SEL1L3: variants seen among roughly 807,000 people sequenced by gnomAD.
SEL1L3 encodes the protein SEL1L family member 3.
SEL1L3 carries 76 observed loss-of-function variants against 142.8 expected under a neutral mutation model. That is an observed-to-expected ratio of 0.53 (90% CI 0.44 to 0.64). The LOEUF (loss-of-function observed/expected upper bound fraction) is 0.64, where lower values mean the gene tolerates loss of function less well. Among genes scored for constraint, SEL1L3 ranks in the 30% least tolerant of loss-of-function variants. The probability of loss-of-function intolerance (pLI) is 0.00; values close to 1 mark genes in which losing one functional copy is unlikely to be tolerated. For synonymous variants in SEL1L3, 504 were observed against 519.6 expected (o/e 0.97, Z 0.41); for missense variants, 1,262 against 1,381.7 (o/e 0.91, Z 1.37).
intron 11 of SEL1L3, 126 bp from the exon 12 acceptor site, chr4:25,790,700 GA>G (rs1712263252): frequency 8.9e-6 from 1 of 112,290 alleles, no homozygotes. Context: ...GGGAGGGAGG[GA>G]AGGAAGAAAA....
the SEL1L3 span, among the ~76,000 whole-genome samples, chr4:25,735,498 T>C: frequency 6.6e-6 from 1 of 152,138 alleles, no homozygotes; most frequent in South Asian, 2.1e-4. Flanking sequence ...TTGATTATCT[T>C]TATTTTTTTC....
intron 6 of SEL1L3, among the ~76,000 whole-genome samples, chr4:25,828,821 G>A (rs1008241967): frequency 6.6e-6 from 1 of 152,166 alleles, no homozygotes; most frequent in Non-Finnish European, 1.5e-5. Context: ...CGTATCCCCA[G>A]CCTGTTTGGA....
At chr4:25,848,941 C>A (rs1716713921) in intron 1 of SEL1L3, among the ~76,000 whole-genome samples, 1 of 152,168 alleles carries the variant, frequency 6.6e-6, no homozygotes, top group Admixed American at 6.5e-5. Flanking sequence ...GAGTTCAAGA[C>A]CAGCCTGGTC....
chr4:25,846,272 GC>G (rs1716504009), intron 2 of SEL1L3, among the ~76,000 whole-genome samples: 1 of 152,194 alleles, frequency 6.6e-6, no homozygotes. Flanking sequence ...GGGCCTTGGA[GC>G]CTCCGGGATT....
chr4:25,845,899 G>A (rs968211315), intron 2 of SEL1L3, among the ~76,000 whole-genome samples: 33 of 152,162 alleles, frequency 2.2e-4, no homozygotes, highest in African/African-American at 7.5e-4. Context: ...TCTGTCCCTG[G>A]CCCACAGGTT....
At chr4:25,728,028 T>C in the SEL1L3 span, among the ~76,000 whole-genome samples, 42 of 152,254 alleles carry the variant, frequency 2.8e-4, no homozygotes, top group African/African-American at 1.0e-3. Context: ...GTAGTCTTCA[T>C]GGAATGAACA....
chr4:25,733,832 A>T, the SEL1L3 span, among the ~76,000 whole-genome samples: 1 of 152,094 alleles, frequency 6.6e-6, no homozygotes, highest in Non-Finnish European at 1.5e-5. Context: ...TTGTTTTTAC[A>T]AAGGACTTCC....
chr4:25,774,468 G>A (rs552040928), intron 17 of SEL1L3, among the ~76,000 whole-genome samples: 1 of 152,150 alleles, frequency 6.6e-6, no homozygotes, highest in African/African-American at 2.4e-5. Flanking sequence ...ACCATGATGA[G>A]GCTGAGTATT....
At position 25,759,051 on chromosome 4, in the gene SEL1L3, G is replaced by A; in HGVS notation, c.2973C>T (p.Ala991=). Residue 991 remains alanine (A), a synonymous_variant, in exon 21 of 24, where the codon GCC becomes GCT. Transcript: ENST00000399878. ...TTATCGTACCTTCCTCGATTAGCAG[G>A]GCCAGGTTAAAAAATCCCTAAAAAC... The part of the protein sequence containing the change: ...DGDSQGFFNL[A]LLIEEGTIIP... The A allele has an allele frequency of 3.1e-6, 5 of 1,612,900 alleles. No homozygotes were observed. Among genetic ancestry groups the A allele is most frequent in the Non-Finnish European group, 4.2e-6 (5 of 1,179,658 alleles).
chr4:25,848,430 G>C (rs927733550), intron 1 of SEL1L3, among the ~76,000 whole-genome samples: 5 of 152,156 alleles, frequency 3.3e-5, no homozygotes, highest in Admixed American at 1.3e-4. Flanking sequence ...TATTGCTCCT[G>C]GTCACACACA....
chr4:25,847,228 A>G, intron 2 of SEL1L3, 66 bp downstream of exon 2: 1 of 1,343,882 alleles, frequency 7.4e-7, no homozygotes, highest in Non-Finnish European at 1.0e-6. Context: ...TTCTCTTGCC[A>G]TTCGATCATG....
At chr4:25,824,223 G>A (rs1244501084) in intron 6 of SEL1L3, among the ~76,000 whole-genome samples, 1 of 152,110 alleles carries the variant, frequency 6.6e-6, no homozygotes, top group Admixed American at 6.6e-5. Context: ...TCATGAGACA[G>A]CACGGGGCAC....
intron 23 of SEL1L3, among the ~76,000 whole-genome samples, chr4:25,748,851 C>G (rs529587404): frequency 4.6e-5 from 7 of 152,328 alleles, no homozygotes; most frequent in African/African-American, 1.4e-4. Context: ...CCCCAAACTT[C>G]TGGCTTTTCT....
intron 20 of SEL1L3, among the ~76,000 whole-genome samples, chr4:25,762,892 C>T (rs768193642): frequency 2.6e-5 from 4 of 152,026 alleles, no homozygotes; most frequent in Middle Eastern, 6.8e-3. Context: ...AGGAGAATCA[C>T]CTGAACCTGG....
rs534874518 is a variant in SEL1L3 at position 25,825,961 on chromosome 4, C to A, written c.1158-3833G>T. Among the ~76,000 whole-genome samples the A allele has an allele frequency of 2.0e-5, 3 of 152,224 alleles. No individual in the cohort carries two copies. In the South Asian group the frequency reaches 6.2e-4, roughly 32 times the overall value. ...TGCTGGGATTACAGGCATAAGCCAC[C>A]ACGCCCGGCCGGCCTGGTCTAAATT... is the stretch of plus-strand genomic sequence containing the variant. On this transcript the variant is annotated intron_variant, in intron 6 of 23. Transcript: ENST00000399878.
intron 17 of SEL1L3, among the ~76,000 whole-genome samples, chr4:25,768,918 GA>G (rs953794726): frequency 1.4e-3 from 197 of 140,640 alleles, no homozygotes; most frequent in East Asian, 3.9e-3. Flanking sequence ...AATAAGCAGA[GA>G]AAAAAAAAAC....
At chr4:25,724,508 G>T in the SEL1L3 span, among the ~76,000 whole-genome samples, 2 of 152,018 alleles carry the variant, frequency 1.3e-5, no homozygotes, top group Non-Finnish European at 2.9e-5. Context: ...TTGGGAGGCC[G>T]AGGCAGGCGG....
At chr4:25,734,413 G>GC in the SEL1L3 span, among the ~76,000 whole-genome samples, 1 of 152,058 alleles carries the variant, frequency 6.6e-6, no homozygotes. Flanking sequence ...CTATTGAGAT[G>GC]AAGTTTTATC....
chr4:25,726,810 C>T, the SEL1L3 span, among the ~76,000 whole-genome samples: 3 of 152,154 alleles, frequency 2.0e-5, no homozygotes, highest in East Asian at 1.9e-4. Flanking sequence ...TTCTGTTATT[C>T]GCTTGTGAGA....
Sources: gnomAD v4.1 joint callset for allele counts (sites outside exome capture counted in the v4.1 genomes callset) on GRCh38, gnomAD v4.1.1 for gene constraint, MANE v1.5 for transcripts, NCBI Gene and HGNC (gene_info 2026-07-23, HGNC 2026-07-21) for gene names.